Variants in CFAP100 observed in about 807,000 individuals in gnomAD.
CFAP100 encodes the protein cilia and flagella associated protein 100.
CFAP100 carries 70 observed loss-of-function variants against 81.5 expected under a neutral mutation model. The ratio of observed to expected loss-of-function variants is 0.86; its 90% CI spans 0.71 to 1.05. The LOEUF (loss-of-function observed/expected upper bound fraction) is 1.05, where lower values mean the gene tolerates loss of function less well. CFAP100 is among the 50% of genes least tolerant of loss of function. CFAP100 has a pLI of 0.00. For synonymous variants in CFAP100, 341 were observed against 314.8 expected (o/e 1.08, Z -0.88); for missense variants, 811 against 776.5 (o/e 1.04, Z -0.53).
intron 8 of CFAP100, among the ~76,000 whole-genome samples, 185 bp from the exon 9 acceptor site, chr3:126,419,452 G>A (rs1427665937): frequency 6.6e-6 from 1 of 152,218 alleles, no homozygotes; most frequent in African/African-American, 2.4e-5. Context: ...ACAAAGGGCT[G>A]TGACTCTGCT....
intron 4 of CFAP100, among the ~76,000 whole-genome samples, chr3:126,414,652 G>A (rs993355450): frequency 2.0e-5 from 3 of 152,174 alleles, no homozygotes; most frequent in South Asian, 2.1e-4. Flanking sequence ...ACGCACACAC[G>A]TGCTCCTCCG....
intron 13 of CFAP100, 53 bp downstream of exon 13, chr3:126,423,697 T>TC: frequency 6.2e-7 from 1 of 1,607,546 alleles, no homozygotes; most frequent in Non-Finnish European, 8.5e-7. Context: ...CATCCTGGGA[T>TC]CCCCCTAGCA....
At chr3:126,433,018 C>A in intron 13 of CFAP100, 51 bp from the exon 14 acceptor site, 1 of 1,606,702 alleles carries the variant, frequency 6.2e-7, no homozygotes. Context: ...AAGCGATGTG[C>A]CCAGGGCTGT....
chr3:126,398,667 T>C (rs947830462), intron 2 of CFAP100, among the ~76,000 whole-genome samples: 11 of 152,194 alleles, frequency 7.2e-5, no homozygotes, highest in African/African-American at 2.7e-4. Flanking sequence ...AATTTGGCAG[T>C]GTGGAGAAAC....
At chr3:126,414,313 C>G in intron 4 of CFAP100, 134 bp downstream of exon 4, 1 of 769,812 alleles carries the variant, frequency 1.3e-6, no homozygotes, top group Non-Finnish European at 2.4e-6. Flanking sequence ...CAATAGCTCA[C>G]CACTTACTAT....
At chr3:126,420,520 G>T in intron 11 of CFAP100, 1 of 446,146 alleles carries the variant, frequency 2.2e-6, no homozygotes, top group South Asian at 2.6e-5. Flanking sequence ...ACAAAGGCCT[G>T]CCCCTGGTTG....
chr3:126,430,786 T>C (rs562812019), intron 13 of CFAP100, among the ~76,000 whole-genome samples: 17 of 152,132 alleles, frequency 1.1e-4, no homozygotes, highest in African/African-American at 3.9e-4. Context: ...ATGGTTTCTA[T>C]TTCTTTGTTG....
intron 13 of CFAP100, among the ~76,000 whole-genome samples, chr3:126,425,811 C>T (rs999219605): frequency 6.6e-6 from 1 of 152,196 alleles, no homozygotes; most frequent in Non-Finnish European, 1.5e-5. Context: ...TAAGAAAAGT[C>T]ACATGATATG....
intron 3 of CFAP100, among the ~76,000 whole-genome samples, chr3:126,409,982 C>T (rs915720291): frequency 6.6e-6 from 1 of 152,140 alleles, no homozygotes; most frequent in African/African-American, 2.4e-5. Context: ...GGGTGGATTA[C>T]CTGAGGTCAG....
chr3:126,402,333 C>T (rs1055446052), intron 2 of CFAP100, among the ~76,000 whole-genome samples: 4 of 152,178 alleles, frequency 2.6e-5, no homozygotes, highest in African/African-American at 9.7e-5. Flanking sequence ...CTCACAGATC[C>T]CTAGGACAGA....
At chr3:126,395,460 A>G (rs1041598752) in intron 1 of CFAP100, 1 of 152,076 alleles carries the variant, frequency 6.6e-6, no homozygotes, top group East Asian at 1.9e-4. Flanking sequence ...AGCAGAAAAG[A>G]CCCCCCTGTT....
At chr3:126,433,813 T>C (rs1933338651) in intron 14 of CFAP100, 1 of 224,202 alleles carries the variant, frequency 4.5e-6, no homozygotes, top group Admixed American at 5.2e-5. Context: ...ATAGCCCACA[T>C]GGAGGGGCTG....
intron 3 of CFAP100, among the ~76,000 whole-genome samples, chr3:126,409,791 G>A (rs974909718): frequency 7.9e-5 from 12 of 152,118 alleles, no homozygotes; most frequent in East Asian, 1.9e-4. Flanking sequence ...TTATTTTAAC[G>A]ATTTCTTGGA....
At chr3:126,429,896 T>C (rs966981582) in intron 13 of CFAP100, among the ~76,000 whole-genome samples, 2 of 152,196 alleles carry the variant, frequency 1.3e-5, no homozygotes, top group African/African-American at 4.8e-5. Flanking sequence ...GGAAAGTCTT[T>C]ATCTCCTCTT....
chr3:126,432,085 C>T lies in CFAP100; in HGVS notation c.1287-984C>T, dbSNP rs548028638. ...CACAAGGTCAGGAGATCGAGACCAT[C>T]CTGGCTAACACAGTGAAACCCCGTC... On this transcript the variant is annotated intron_variant, in intron 13 of 16. Transcript: ENST00000352312. 2.0e-3 allele frequency among the ~76,000 whole-genome samples: 301 copies of T among 152,056 alleles called. 3 individuals are homozygous for T. Among genetic ancestry groups the T allele is most frequent in the African/African-American group, 6.3e-3 (263 of 41,474 alleles).
chr3:126,402,694 G>A (rs76206177), intron 2 of CFAP100, among the ~76,000 whole-genome samples: 8,606 of 152,056 alleles, frequency 0.057, 303 homozygotes, highest in Non-Finnish European at 0.083. Context: ...TAGCTAATCC[G>A]AGGGGGAGGG....
intron 2 of CFAP100, among the ~76,000 whole-genome samples, chr3:126,400,501 C>T (rs1237261637): frequency 6.6e-6 from 1 of 152,014 alleles, no homozygotes; most frequent in Non-Finnish European, 1.5e-5. Flanking sequence ...CGCCTAAAAT[C>T]CCAGCATTTC....
At position 126,434,378 on chromosome 3, in the gene CFAP100, T is replaced by C. The variant is rs750691033; in HGVS notation, c.1625T>C (p.Ile542Thr). The C allele has an allele frequency of 6.8e-6, 11 of 1,612,026 alleles. No homozygotes were observed. Among genetic ancestry groups the C allele is most frequent in the Non-Finnish European group, 7.6e-6 (9 of 1,179,056 alleles). ...AERAKEKERR[I>T]RLREEKLQMQ... Reference sequence around the variant, plus strand: ...AGGGCAAAGGAGAAGGAGCGGCGCATCAGGTGAGCTCTAGGCTCTCCCTGC... The same window carrying C: ...AGGGCAAAGGAGAAGGAGCGGCGCACCAGGTGAGCTCTAGGCTCTCCCTGC... Residue 542 changes from isoleucine (I) to threonine (T), a missense_variant, in exon 15 of 17, where the codon ATC (isoleucine) becomes ACC (threonine). By Grantham distance (89) the Ile-to-Thr change is moderately conservative. Coordinates refer to ENST00000352312, the MANE Select transcript of CFAP100 (RefSeq NM_182628.3).
At chr3:126,433,306 C>A in intron 14 of CFAP100, 102 bp downstream of exon 14, 2 of 1,404,372 alleles carry the variant, frequency 1.4e-6, no homozygotes, top group South Asian at 1.3e-5. Context: ...GAGGACAAGG[C>A]CCGGGTGAGT....
Sources: gnomAD v4.1 joint callset for allele counts (sites outside exome capture counted in the v4.1 genomes callset) on GRCh38, gnomAD v4.1.1 for gene constraint, MANE v1.5 for transcripts, NCBI Gene and HGNC (gene_info 2026-07-23, HGNC 2026-07-21) for gene names.